The following PDE4C variants were observed in gnomAD, a reference collection of about 807,000 sequenced individuals.
The protein encoded by PDE4C is 3',5'-cyclic-AMP phosphodiesterase 4C.
Under a neutral mutation model 63.9 loss-of-function variants are expected in PDE4C, and 50 were observed. The observed-to-expected ratio is 0.78, with a 90% confidence interval of 0.62 to 0.99. The LOEUF (loss-of-function observed/expected upper bound fraction) is 0.99. Among genes scored for constraint, PDE4C ranks in the 50% least tolerant of loss-of-function variants. The probability of loss-of-function intolerance (pLI) is 0.00; values close to 1 mark genes in which losing one functional copy is unlikely to be tolerated. For synonymous variants in PDE4C, 377 were observed against 385.1 expected, an observed-to-expected ratio of 0.98 and a Z score of 0.25; for missense variants, 777 against 899.1, an observed-to-expected ratio of 0.86 and a Z score of 1.74.
chr19:18,212,963 G>A (rs1968024790), intron 13 of PDE4C, among the ~76,000 whole-genome samples: 1 of 145,964 alleles, frequency 6.9e-6, no homozygotes, highest in African/African-American at 2.6e-5. Flanking sequence ...TGGGATTATA[G>A]GCGTGAGCCA....
rs752034401 is a variant in PDE4C, at chr19:18,220,237, C to T, written c.695G>A (p.Arg232Gln). 2.7e-5 allele frequency: 44 copies of T among 1,613,594 alleles called. 1 individual carries two copies. In the South Asian group the frequency reaches 3.8e-4, roughly 14 times the overall value. The change falls in exon 7 of 15, where the codon CGG (arginine) becomes CAG (glutamine). Residue 232 changes from arginine to glutamine, a missense_variant. Arg to Gln is a conservative substitution (Grantham distance 43, BLOSUM62 1). Around this residue, in one of 3 missense-constraint regions of PDE4C, gnomAD observed 500 missense variants for 597.8 expected, o/e 0.84. Coordinates refer to ENST00000262805, the Ensembl canonical transcript of PDE4C. The surrounding 1 kb of genome is among the most constrained non-coding windows in gnomAD (Gnocchi z 5.1). ...TCAACAAAGCTCACCCAGGAAGGTC[C>T]GGGAGATGTACTCGGACACCTGGTT...
exon 15 of PDE4C, chr19:18,210,633 T>A: frequency 3.2e-6 from 1 of 307,842 alleles, no homozygotes; most frequent in Non-Finnish European, 6.0e-6. Context: ...GACTAGAGGC[T>A]CCAGCAGACA....
upstream of PDE4C, among the ~76,000 whole-genome samples, chr19:18,251,750 G>A (rs1204549436): frequency 8.4e-6 from 1 of 119,380 alleles, no homozygotes; most frequent in Non-Finnish European, 1.8e-5. Context: ...ACCGCGCCCC[G>A]CCATTTTTAG....
chr19:18,221,956 C>A (rs1333788436), intron 2 of PDE4C, among the ~76,000 whole-genome samples, 176 bp downstream of exon 2: 1 of 152,270 alleles, frequency 6.6e-6, no homozygotes, highest in African/African-American at 2.4e-5. Flanking sequence ...ACCACCCCTA[C>A]TCCAGCAAAA....
chr19:18,222,549 C>T (rs951661123), intron 1 of PDE4C, among the ~76,000 whole-genome samples: 3 of 152,032 alleles, frequency 2.0e-5, no homozygotes, highest in Non-Finnish European at 4.4e-5. Context: ...AGATCTTCCT[C>T]AAAGTGGCTA....
upstream of PDE4C, among the ~76,000 whole-genome samples, chr19:18,248,474 G>A (rs1969173487): frequency 1.3e-5 from 2 of 151,874 alleles, no homozygotes; most frequent in South Asian, 4.2e-4. Context: ...GGAGGGAAGG[G>A]AGGCGTAGGA....
intron 1 of PDE4C, among the ~76,000 whole-genome samples, chr19:18,243,387 C>A (rs986071636): frequency 2.6e-5 from 4 of 152,068 alleles, no homozygotes; most frequent in Non-Finnish European, 5.9e-5. Context: ...AGATTACAGG[C>A]GTGAGCCACC....
At chr19:18,221,052 G>GCCAGGCCCCGCCCCACCCCA in intron 4 of PDE4C, 53 bp downstream of exon 4, 4 of 1,245,312 alleles carry the variant, frequency 3.2e-6, no homozygotes, top group Non-Finnish European at 4.5e-6. Context: ...CCCGCTTTCC[G>GCCAGGCCCCGCCCCACCCCA]CCCACCTTGT....
intron 1 of PDE4C, among the ~76,000 whole-genome samples, chr19:18,243,097 G>T (rs2148069545): frequency 6.6e-6 from 1 of 152,182 alleles, no homozygotes; most frequent in Middle Eastern, 3.4e-3. Flanking sequence ...GAAGATTCAA[G>T]GGTGACTGGT....
the PDE4C span, among the ~76,000 whole-genome samples, chr19:18,253,459 G>A: frequency 4.6e-5 from 7 of 152,114 alleles, no homozygotes; most frequent in African/African-American, 1.4e-4. Context: ...GCTGAGGTGG[G>A]AGGATCGCTT....
At chr19:18,250,046 T>C (rs537105137), upstream of PDE4C, 260 of 398,680 alleles carry the variant, frequency 6.5e-4, no homozygotes, top group Non-Finnish European at 1.1e-3. Context: ...GGATGAATGG[T>C]AGGGGCTTTA....
upstream of PDE4C, among the ~76,000 whole-genome samples, chr19:18,229,686 G>A (rs887208789): frequency 4.6e-5 from 7 of 152,078 alleles, no homozygotes; most frequent in Non-Finnish European, 2.9e-5. Context: ...TGAGTAAACT[G>A]AGACGTGGAG....
In PDE4C at chr19:18,218,266, A is replaced by G. The variant is rs1037720354; in HGVS notation, c.1135-18T>C. ...AACACAGCCTGAGCAGGCAGAGGGC[A>G]CAGGCGGTGAGGGGCGGGTTCTCTG... On this transcript the variant is annotated intron_variant, in intron 10 of 14. Coordinates refer to ENST00000262805, the Ensembl canonical transcript of PDE4C. 1.2e-6 allele frequency: 2 copies of G among 1,613,634 alleles called. No homozygotes were observed. Among genetic ancestry groups the G allele is most frequent in the Non-Finnish European group, 1.7e-6 (2 of 1,179,626 alleles).
intron 1 of PDE4C, among the ~76,000 whole-genome samples, chr19:18,240,152 A>T (rs1969012505): frequency 1.3e-5 from 2 of 151,804 alleles, no homozygotes; most frequent in South Asian, 4.2e-4. Flanking sequence ...AAATAAAAAT[A>T]AAAAAGCTGG....
At chr19:18,236,003 T>C (rs1968944397), upstream of PDE4C, among the ~76,000 whole-genome samples, 1 of 151,818 alleles carries the variant, frequency 6.6e-6, no homozygotes, top group Non-Finnish European at 1.5e-5. Flanking sequence ...AGTGCAGTGG[T>C]GTGATCTCAG....
chr19:18,211,177 G>A lies in PDE4C; in HGVS notation c.1795C>T (p.Arg599Ter), dbSNP rs780245468. Reference sequence around the variant, plus strand: ...GGGATCTTGCTCTGGTACCACTCTCGATTGTCCTCCAGCGTGTCCAGCAGG... The same window carrying A: ...GGGATCTTGCTCTGGTACCACTCTCAATTGTCCTCCAGCGTGTCCAGCAGG... The change falls in exon 15 of 15, where the codon CGA becomes TGA. Residue 599 changes from arginine to a stop codon, truncating the protein, a stop_gained. Transcript: ENST00000262805. LOFTEE classifies it low-confidence loss of function (END_TRUNC). The A allele has an allele frequency of 6.2e-6, 10 of 1,614,054 alleles. No homozygotes were observed. The highest frequency in any genetic ancestry group is 1.3e-5 in the African/African-American group (1 of 75,002).
At chr19:18,254,300 G>C in the PDE4C span, among the ~76,000 whole-genome samples, 2 of 152,198 alleles carry the variant, frequency 1.3e-5, no homozygotes, top group Non-Finnish European at 2.9e-5. Context: ...CTGGGGAGCT[G>C]AGTGCTTAGT....
In PDE4C at chr19:18,218,938, A is replaced by G. The variant is rs1196036728; in HGVS notation, c.969+2T>C. ...CTTGGAAGCCAAGGGCAGGGTAGGTACCTGAAAAATGCTGAATATGATAGC... is the reference window on the plus strand; with the variant it reads ...CTTGGAAGCCAAGGGCAGGGTAGGTGCCTGAAAAATGCTGAATATGATAGC... On this transcript the variant is annotated splice_donor_variant, in intron 9 of 14. Transcript: ENST00000262805. LOFTEE classifies it high-confidence loss of function. 1 of 1,608,306 alleles carries G rather than the reference A, an allele frequency of 6.2e-7. No individual in the cohort carries two copies. Among genetic ancestry groups the G allele is most frequent in the Non-Finnish European group, 8.5e-7 (1 of 1,174,812 alleles).
Position 18,211,093 on chromosome 19 carries a change from CAA to C in PDE4C, c.1877_1878del (p.Phe626Ter). Reference sequence around the variant, plus strand: ...TCCTCTGCCTCCTCCAGAGTCAGTTCAAACTGGAATCTGTCAGGCCCGTCCCG... The same window carrying C: ...TCCTCTGCCTCCTCCAGAGTCAGTTCACTGGAATCTGTCAGGCCCGTCCCG... On this transcript the variant is annotated frameshift_variant, in exon 15 of 15. Transcript: ENST00000262805. LOFTEE classifies it low-confidence loss of function (END_TRUNC). 2 of 1,614,200 alleles carry C rather than the reference CAA, an allele frequency of 1.2e-6. No homozygotes were observed. Among genetic ancestry groups the C allele is most frequent in the Non-Finnish European group, 1.7e-6 (2 of 1,180,038 alleles).
Sources: gnomAD v4.1 joint callset for allele counts (sites outside exome capture counted in the v4.1 genomes callset) on GRCh38, gnomAD v4.1.1 for gene constraint, gnomAD v4.1.1 regional missense constraint, Gnocchi (gnomAD v3.1) non-coding constraint, MANE v1.5 for transcripts, NCBI Gene and HGNC (gene_info 2026-07-23, HGNC 2026-07-21) for gene names.